SPAG16: variants seen among roughly 807,000 people sequenced by gnomAD.
The protein encoded by SPAG16 is sperm associated antigen 16, also known as sperm-associated antigen 16 protein.
SPAG16 carries 86 observed loss-of-function variants against 80.4 expected under a neutral mutation model. The ratio of observed to expected loss-of-function variants is 1.07; its 90% CI spans 0.90 to 1.28. The LOEUF is 1.28. Ranked by LOEUF, SPAG16 falls within the 50% of genes most tolerant of loss-of-function variation. The pLI is 0.00. For synonymous variants in SPAG16, 294 were observed against 265.9 expected, an observed-to-expected ratio of 1.11 and a Z score of -1.03; for missense variants, 870 against 765.3, an observed-to-expected ratio of 1.14 and a Z score of -1.61.
chr2:213,655,011 G>A (rs1210138269), intron 10 of SPAG16, among the ~76,000 whole-genome samples: 1 of 152,120 alleles, frequency 6.6e-6, no homozygotes, highest in Non-Finnish European at 1.5e-5. Flanking sequence ...GATTTTAAAA[G>A]GGTAGTGAAA....
chr2:213,821,051 A>G (rs1416792891), intron 10 of SPAG16, among the ~76,000 whole-genome samples: 1 of 152,092 alleles, frequency 6.6e-6, no homozygotes, highest in Non-Finnish European at 1.5e-5. Flanking sequence ...TTTTTTAATA[A>G]TTAAAATACA....
At chr2:213,361,958 G>A (rs1179987504) in intron 7 of SPAG16, among the ~76,000 whole-genome samples, 1 of 152,100 alleles carries the variant, frequency 6.6e-6, no homozygotes, top group Non-Finnish European at 1.5e-5. Context: ...TTTTATTGCG[G>A]TTGGGGGTTA....
chr2:213,888,366 G>A (rs1421543840), intron 11 of SPAG16, among the ~76,000 whole-genome samples: 1 of 151,722 alleles, frequency 6.6e-6, no homozygotes, highest in Non-Finnish European at 1.5e-5. Context: ...CTTCTATATG[G>A]TTTTGAGAAA....
At chr2:214,108,470 CACACACACA>C (rs746565479) in intron 14 of SPAG16, among the ~76,000 whole-genome samples, 110 of 87,670 alleles carry the variant, frequency 1.3e-3, no homozygotes, top group African/African-American at 1.8e-3. Flanking sequence ...CACACACACA[CACACACACA>C]CCCCCACACA....
chr2:214,109,373 TA>T (rs1159316025), intron 14 of SPAG16, among the ~76,000 whole-genome samples: 1 of 152,190 alleles, frequency 6.6e-6, no homozygotes, highest in Non-Finnish European at 1.5e-5. Context: ...CAGGTTCATT[TA>T]AACTCTATGA....
At chr2:214,184,381 C>T (rs1461121844) in intron 15 of SPAG16, among the ~76,000 whole-genome samples, 1 of 152,018 alleles carries the variant, frequency 6.6e-6, no homozygotes, top group Non-Finnish European at 1.5e-5. Context: ...ACTATAGTGT[C>T]TCTATAATTG....
At chr2:213,525,181 G>A (rs1438100330) in intron 10 of SPAG16, among the ~76,000 whole-genome samples, 2 of 151,650 alleles carry the variant, frequency 1.3e-5, no homozygotes, top group African/African-American at 2.4e-5. Context: ...CTGTTGCCAT[G>A]TGAAAAAGGA....
chr2:213,795,279 T>TCATG, intron 10 of SPAG16, among the ~76,000 whole-genome samples: 1 of 152,324 alleles, frequency 6.6e-6, no homozygotes, highest in East Asian at 1.9e-4. Context: ...GATATGTTTG[T>TCATG]ATCTGTAGAT....
intron 7 of SPAG16, among the ~76,000 whole-genome samples, chr2:213,354,572 C>T (rs544620920): frequency 5.9e-5 from 9 of 152,136 alleles, no homozygotes; most frequent in Non-Finnish European, 1.2e-4. Flanking sequence ...TTTTAATGAT[C>T]GCCATTGCAA....
chr2:214,035,094 G>A (rs1231415273), intron 13 of SPAG16, among the ~76,000 whole-genome samples: 2 of 152,058 alleles, frequency 1.3e-5, no homozygotes, highest in Non-Finnish European at 2.9e-5. Context: ...GTCACAACAA[G>A]TATTCAGCTC....
chr2:213,821,268 ATAGCCTC>A (rs2072916247), intron 10 of SPAG16, among the ~76,000 whole-genome samples: 1 of 152,168 alleles, frequency 6.6e-6, no homozygotes, highest in African/African-American at 2.4e-5. Context: ...TGACAAGCTT[ATAGCCTC>A]TAATTCTTCT....
chr2:214,059,805 T>A (rs2050162145), intron 13 of SPAG16, among the ~76,000 whole-genome samples: 1 of 152,058 alleles, frequency 6.6e-6, no homozygotes, highest in Non-Finnish European at 1.5e-5. Context: ...CATGGGGATA[T>A]TATGGGTTCT....
intron 10 of SPAG16, among the ~76,000 whole-genome samples, chr2:213,813,923 C>T (rs913865335): frequency 6.6e-6 from 1 of 152,112 alleles, no homozygotes; most frequent in Non-Finnish European, 1.5e-5. Context: ...CTCTGAGGTT[C>T]AGATGCACAG....
At chr2:214,264,045 C>G (rs1301375655) in intron 15 of SPAG16, among the ~76,000 whole-genome samples, 1 of 152,090 alleles carries the variant, frequency 6.6e-6, no homozygotes, top group Non-Finnish European at 1.5e-5. Context: ...AAACAAGAAA[C>G]TGAATTTCAG....
chr2:214,335,979 G>C lies in SPAG16; in HGVS notation c.1721-74161G>C, dbSNP rs192272192. Among the ~76,000 whole-genome samples, 218 of 151,942 alleles carry C rather than the reference G, an allele frequency of 1.4e-3. 1 individual carries two copies. The highest frequency in any genetic ancestry group is 1.9e-3 in the East Asian group (10 of 5,144). On this transcript the variant is annotated intron_variant, in intron 15 of 15. Transcript: ENST00000331683. ...TCACCGTGTTAGCCAGGATGGTCTC[G>C]ATCTCTTGACCTCGTGATCCACCCG...
At chr2:214,212,946 T>G (rs1341011805) in intron 15 of SPAG16, among the ~76,000 whole-genome samples, 1 of 152,228 alleles carries the variant, frequency 6.6e-6, no homozygotes, top group Non-Finnish European at 1.5e-5. Flanking sequence ...CCCGTTAACC[T>G]CTGAAGGCAC....
intron 9 of SPAG16, among the ~76,000 whole-genome samples, chr2:213,394,202 TTTTTC>T (rs1193059656): frequency 6.6e-6 from 1 of 152,118 alleles, no homozygotes; most frequent in Non-Finnish European, 1.5e-5. Flanking sequence ...TCTTGTTTAT[TTTTTC>T]CTTTACCAAC....
intron 15 of SPAG16, among the ~76,000 whole-genome samples, chr2:214,253,305 T>A (rs7426381): frequency 0.13 from 19,635 of 152,114 alleles, 1,311 homozygotes; most frequent in East Asian, 0.18. Flanking sequence ...TTCTTTAGTT[T>A]AATTAGATCC....
At chr2:214,356,665 G>A (rs12994994) in intron 15 of SPAG16, among the ~76,000 whole-genome samples, 74,274 of 151,622 alleles carry the variant, frequency 0.49, 21,823 homozygotes, top group South Asian at 0.67. Context: ...AACATTTACC[G>A]TAAAGATAAT....
Sources: allele counts gnomAD v4.1 joint callset (sites outside exome capture counted in the v4.1 genomes callset), GRCh38; gene constraint gnomAD v4.1.1; transcripts MANE v1.5; gene names NCBI Gene and HGNC (gene_info 2026-07-23, HGNC 2026-07-21).